Variants in TLL1 observed in about 807,000 individuals in gnomAD.
The protein encoded by TLL1 is tolloid like 1, also known as tolloid-like protein 1.
In TLL1, 49 loss-of-function variants were observed where a neutral mutation model predicts 128.2. The ratio of observed to expected loss-of-function variants is 0.38; its 90% CI spans 0.30 to 0.48. The LOEUF (loss-of-function observed/expected upper bound fraction) is 0.48. TLL1 is among the 20% of genes least tolerant of loss of function. The pLI is 0.96. For synonymous variants in TLL1, 454 were observed against 418.8 expected, an observed-to-expected ratio of 1.08 and a Z score of -1.03; for missense variants, 1,123 against 1,242.0, an observed-to-expected ratio of 0.90 and a Z score of 1.44.
At chr4:166,078,192 C>T (rs1741123701) in intron 18 of TLL1, among the ~76,000 whole-genome samples, 162 bp downstream of exon 18, 1 of 152,102 alleles carries the variant, frequency 6.6e-6, no homozygotes, top group Non-Finnish European at 1.5e-5. Flanking sequence ...AAATCCTTGA[C>T]TTCCTAGATC....
At chr4:165,882,416 C>A (rs1579437212) in intron 1 of TLL1, among the ~76,000 whole-genome samples, 1 of 152,058 alleles carries the variant, frequency 6.6e-6, no homozygotes, top group East Asian at 1.9e-4. Context: ...TTTCTTGCCT[C>A]TTTCTTTTCT....
intron 1 of TLL1, among the ~76,000 whole-genome samples, chr4:165,940,355 T>G (rs555493521): frequency 6.6e-6 from 1 of 152,140 alleles, no homozygotes; most frequent in East Asian, 1.9e-4. Flanking sequence ...TTGAACTATT[T>G]TTTTCTCTTT....
intron 18 of TLL1, among the ~76,000 whole-genome samples, chr4:166,083,440 A>T (rs1264061171): frequency 8.1e-6 from 1 of 123,046 alleles, no homozygotes; most frequent in Non-Finnish European, 1.9e-5. Context: ...AGAGTATATT[A>T]TTAACTATAA....
At chr4:165,912,377 C>T (rs1483267807) in intron 1 of TLL1, among the ~76,000 whole-genome samples, 2 of 152,324 alleles carry the variant, frequency 1.3e-5, no homozygotes, top group East Asian at 3.9e-4. Flanking sequence ...TCCTTTGTTG[C>T]TTCCTACTTT....
chr4:165,972,974 A>C (rs1177514559), intron 1 of TLL1, among the ~76,000 whole-genome samples: 1 of 66,460 alleles, frequency 1.5e-5, no homozygotes, highest in Non-Finnish European at 2.9e-5. Context: ...TATTTGTTCA[A>C]GCATGCTTAC....
chr4:166,060,011 C>A lies in TLL1; in HGVS notation c.1847-17C>A. 1.2e-6 allele frequency: 2 copies of A among 1,612,526 alleles called. No individual in the cohort carries two copies. The highest frequency in any genetic ancestry group is 8.5e-7 in the Non-Finnish European group (1 of 1,179,326). On this transcript the variant is annotated splice_polypyrimidine_tract_variant and intron_variant, in intron 14 of 20. Transcript: ENST00000061240. ...CTTCATGGGGAGAATATACCTTTTT[C>A]TTTTCTTTTCTTCTAGCTGCTTGTG...
At chr4:165,949,587 G>T (rs80113350) in intron 1 of TLL1, among the ~76,000 whole-genome samples, 9 of 152,252 alleles carry the variant, frequency 5.9e-5, no homozygotes, top group African/African-American at 2.2e-4. Flanking sequence ...GAAAGAGATT[G>T]TTCCACGTGG....
Position 166,102,883 on chromosome 4 carries a change from T to C in TLL1, c.*2007T>C, listed in dbSNP as rs976539862. ...TGATTTATTCCAGTAACTTCTTCCA[T>C]ATTTTCTCACTAATCTCCCGTTAGC... On this transcript the variant is annotated 3_prime_UTR_variant, in exon 21 of 21. Transcript: ENST00000061240. 13 of 151,930 alleles carry C rather than the reference T, an allele frequency of 8.6e-5. No homozygotes were observed. Among genetic ancestry groups the C allele is most frequent in the African/African-American group, 3.1e-4 (13 of 41,416 alleles). The allele number at this position is 151,930 out of a possible 1,614,324, so 9.4% of individuals were successfully genotyped here.
At chr4:166,031,168 G>A (rs899993255) in intron 9 of TLL1, among the ~76,000 whole-genome samples, 10 of 151,908 alleles carry the variant, frequency 6.6e-5, no homozygotes, top group Admixed American at 6.6e-5. Context: ...TATCTTAAAC[G>A]TATTATAAAT....
In TLL1 at chr4:166,078,127, C is replaced by T. The variant is rs1741120456; in HGVS notation, c.2442+97C>T. 3.8e-6 allele frequency: 6 copies of T among 1,562,686 alleles called. No individual in the cohort carries two copies. In the African/African-American group the frequency reaches 4.1e-5, roughly 11 times the overall value. On this transcript the variant is annotated intron_variant, in intron 18 of 20. Transcript: ENST00000061240. ...AAAATGGAGGTTTATCTAATTGAAT[C>T]GAATCGTAGGCAGCTGGAAAAGATT...
rs116204155 is a variant in TLL1, at chr4:165,931,071, T to C, written c.169+56998T>C. Among the ~76,000 whole-genome samples the C allele has an allele frequency of 5.6e-3, 857 of 152,336 alleles. 6 individuals are homozygous for C. The highest frequency in any genetic ancestry group is 0.019 in the African/African-American group (808 of 41,578). The stretch of plus-strand genomic sequence containing the variant: ...ATAATTGTTACCTCTCTTTCATAGA[T>C]TATGTGTTTTGTTGTTGTAAATAAA... On this transcript the variant is annotated intron_variant, in intron 1 of 20. Transcript: ENST00000061240.
intron 1 of TLL1, among the ~76,000 whole-genome samples, chr4:165,982,554 T>C (rs1349711497): frequency 6.6e-6 from 1 of 151,740 alleles, no homozygotes; most frequent in Non-Finnish European, 1.5e-5. Flanking sequence ...CTCCGGACTT[T>C]GATTTGTGCC....
rs76621683 is a variant in TLL1 at position 166,067,220 on chromosome 4, T to C, written c.2188+1357T>C. The stretch of plus-strand genomic sequence containing the variant: ...AAAAGAAAGTGTTCAGGATCCTTTT[T>C]ATGTTACTTTAGTCATATATTTAAT... On this transcript the variant is annotated intron_variant, in intron 16 of 20. Transcript: ENST00000061240. Among the ~76,000 whole-genome samples, 839 of 151,882 alleles carry C rather than the reference T, an allele frequency of 5.5e-3. 8 individuals carry two copies. The highest frequency in any genetic ancestry group is 0.019 in the African/African-American group (804 of 41,520).
intron 9 of TLL1, among the ~76,000 whole-genome samples, chr4:166,026,702 A>T (rs1018686457): frequency 2.0e-5 from 3 of 151,986 alleles, no homozygotes; most frequent in Non-Finnish European, 2.9e-5. Context: ...AAAAAAATAG[A>T]CAAAAACAAA....
intron 1 of TLL1, among the ~76,000 whole-genome samples, chr4:165,898,619 G>T (rs561123932): frequency 6.6e-6 from 1 of 152,302 alleles, no homozygotes; most frequent in East Asian, 1.9e-4. Context: ...ATGTGCTGAT[G>T]AATTTGGTTT....
intron 12 of TLL1, chr4:166,044,496 T>C: frequency 7.4e-7 from 1 of 1,351,384 alleles, no homozygotes; most frequent in South Asian, 1.3e-5. Flanking sequence ...ACTTCCCAGA[T>C]GTATTTCCTT....
At chr4:166,022,315 G>A (rs113544433) in intron 8 of TLL1, among the ~76,000 whole-genome samples, 5 of 151,992 alleles carry the variant, frequency 3.3e-5, no homozygotes, top group Admixed American at 2.0e-4. Context: ...AGTGCCTGCC[G>A]CCACCACATC....
intron 9 of TLL1, among the ~76,000 whole-genome samples, chr4:166,031,214 T>C (rs1036554516): frequency 6.6e-6 from 1 of 151,986 alleles, no homozygotes; most frequent in Non-Finnish European, 1.5e-5. Context: ...TTTAAACAAG[T>C]AAAATTCTGA....
At chr4:166,088,394 A>G (rs1412031678) in intron 18 of TLL1, among the ~76,000 whole-genome samples, 1 of 152,102 alleles carries the variant, frequency 6.6e-6, no homozygotes, top group Non-Finnish European at 1.5e-5. Context: ...AGTTCCTATA[A>G]TACATTTCTA....
Sources: allele counts gnomAD v4.1 joint callset (sites outside exome capture counted in the v4.1 genomes callset), GRCh38; gene constraint gnomAD v4.1.1; transcripts MANE v1.5; gene names NCBI Gene and HGNC (gene_info 2026-07-23, HGNC 2026-07-21).